The following RBM26 variants were observed in gnomAD, a reference collection of about 807,000 sequenced individuals.
RBM26 encodes RNA-binding protein 26.
RBM26 carries 30 observed loss-of-function variants against 123.6 expected under a neutral mutation model. That is an observed-to-expected ratio of 0.24 (90% CI 0.18 to 0.33). The LOEUF is 0.33. Among genes scored for constraint, RBM26 ranks in the 10% least tolerant of loss-of-function variants. The probability of loss-of-function intolerance (pLI) is 1.00; values close to 1 mark genes in which losing one functional copy is unlikely to be tolerated. For missense variants in RBM26, 947 were observed against 1,203.6 expected (o/e 0.79, Z 3.15); for synonymous variants, 400 against 404.4 (o/e 0.99, Z 0.13).
At chr13:79,326,103 C>G (rs888842615) in intron 20 of RBM26, among the ~76,000 whole-genome samples, 1 of 152,152 alleles carries the variant, frequency 6.6e-6, no homozygotes, top group African/African-American at 2.4e-5. Flanking sequence ...GATGTGTACA[C>G]AACAATGAAA....
At chr13:79,338,294 A>G (rs1752645) in intron 18 of RBM26, among the ~76,000 whole-genome samples, 150,357 of 152,360 alleles carry the variant, frequency 0.99, 74,232 homozygotes, top group East Asian at 1. Context: ...TAAGATTCGA[A>G]AAGAACTTCA....
exon 5 of RBM26, chr13:79,313,083 G>GAT (rs1055140351): frequency 6.6e-6 from 1 of 151,680 alleles, no homozygotes; most frequent in Non-Finnish European, 1.5e-5. Context: ...GAAAAATATA[G>GAT]ATATATAAAA....
chr13:79,370,682 T>G (rs1036782021), intron 5 of RBM26, among the ~76,000 whole-genome samples: 4 of 152,254 alleles, frequency 2.6e-5, no homozygotes, highest in Admixed American at 2.6e-4. Context: ...CCAAAGAGTT[T>G]CAGCTTATCT....
In RBM26 at chr13:79,405,096, C is replaced by T. The variant is rs143298310; in HGVS notation, c.71+608G>A. Among the ~76,000 whole-genome samples, 12 of 152,284 alleles carry T rather than the reference C, an allele frequency of 7.9e-5. No individual in the cohort carries two copies. In the East Asian group the frequency reaches 2.3e-3, roughly 29 times the overall value. ...CAACACAAAATCTATCTATAGCATC[C>T]CACTTAAAACTGCTAAATATTCCAT... is the stretch of plus-strand genomic sequence containing the variant. On this transcript the variant is annotated intron_variant, in intron 1 of 21. Coordinates refer to ENST00000438737, the MANE Select transcript of RBM26 (RefSeq NM_001366735.2).
chr13:79,349,716 T>C (rs2072928148), intron 14 of RBM26, among the ~76,000 whole-genome samples: 1 of 151,948 alleles, frequency 6.6e-6, no homozygotes, highest in South Asian at 2.1e-4. Context: ...TTTTTTTTTT[T>C]TGAGACAGAG....
intron 1 of RBM26, among the ~76,000 whole-genome samples, chr13:79,403,769 T>G (rs1266717145): frequency 6.6e-6 from 1 of 152,144 alleles, no homozygotes; most frequent in Non-Finnish European, 1.5e-5. Context: ...ATGCCCACTC[T>G]CCAATACACC....
At chr13:79,358,479 C>T (rs773000754) in intron 10 of RBM26, 46 bp from the exon 11 acceptor site, 3 of 1,483,866 alleles carry the variant, frequency 2.0e-6, no homozygotes, top group South Asian at 2.5e-5. Context: ...AAATCCTGAC[C>T]CTAACCAAAT....
At chr13:79,317,675 T>C (rs1362893283), downstream of RBM26, among the ~76,000 whole-genome samples, 1 of 151,698 alleles carries the variant, frequency 6.6e-6, no homozygotes, top group Non-Finnish European at 1.5e-5. Flanking sequence ...GTCCAAAATA[T>C]TAATGCCTTA....
In RBM26 at chr13:79,395,431, C is replaced by T. The variant is rs111368775; in HGVS notation, c.71+10273G>A. On this transcript the variant is annotated intron_variant, in intron 1 of 21. Transcript: ENST00000438737. Reference sequence around the variant, plus strand: ...ATAACTCTCCTTCGCAGTCTGGAAACGGTAGAGGAAAAACAATAGTGAACT... The same window carrying T: ...ATAACTCTCCTTCGCAGTCTGGAAATGGTAGAGGAAAAACAATAGTGAACT... Among the ~76,000 whole-genome samples the T allele has an allele frequency of 5.3e-5, 8 of 152,040 alleles. No homozygotes were observed. In the South Asian group the frequency reaches 1.2e-3, roughly 24 times the overall value.
At chr13:79,373,413 TATATAAATAAAATATAA>T (rs2076249047) in intron 3 of RBM26, among the ~76,000 whole-genome samples, 1 of 19,194 alleles carries the variant, frequency 5.2e-5, no homozygotes, top group Non-Finnish European at 8.3e-5. Context: ...TTATATACTA[TATATAAATAAAATATAA>T]ATATATATTA....
chr13:79,397,555 G>A (rs548523766), intron 1 of RBM26, among the ~76,000 whole-genome samples: 1 of 151,634 alleles, frequency 6.6e-6, no homozygotes, highest in African/African-American at 2.4e-5. Context: ...GGTGGCACGT[G>A]CCTGTAGTCT....
chr13:79,385,256 C>T (rs1392053160), intron 1 of RBM26, among the ~76,000 whole-genome samples: 1 of 152,114 alleles, frequency 6.6e-6, no homozygotes, highest in Non-Finnish European at 1.5e-5. Flanking sequence ...ACATGCTTCA[C>T]TTAATTCAAA....
chr13:79,371,936 TAAAAA>T lies in RBM26; in HGVS notation c.328-11_328-7del, dbSNP rs111251938. The T allele has an allele frequency of 7.7e-6, 10 of 1,300,502 alleles. No homozygotes were observed. Among genetic ancestry groups the T allele is most frequent in the Non-Finnish European group, 6.4e-6 (6 of 942,160 alleles). 80.6% of individuals were successfully genotyped at this position (1,300,502 alleles called of 1,614,324 possible). On this transcript the variant is annotated splice_polypyrimidine_tract_variant and splice_region_variant and intron_variant, in intron 3 of 21. Transcript: ENST00000438737. ...CGCTCTTCCTCCTTAGTGATCTGATTAAAAAAAAAAAAAAAAGTGTACAAGTTTAG... is the reference window on the plus strand; with the variant it reads ...CGCTCTTCCTCCTTAGTGATCTGATTAAAAAAAAAAAGTGTACAAGTTTAG...
chr13:79,316,989 TTAAA>T (rs2067207265), downstream of RBM26, among the ~76,000 whole-genome samples: 1 of 151,076 alleles, frequency 6.6e-6, no homozygotes, highest in Non-Finnish European at 1.5e-5. Flanking sequence ...TGTTTTTTTT[TTAAA>T]AAAGAGTAAA....
rs531279410 is a variant in RBM26, at chr13:79,369,519, T to G, written c.635-529A>C. Among the ~76,000 whole-genome samples the G allele has an allele frequency of 2.5e-4, 38 of 152,276 alleles. No individual in the cohort carries two copies. In the South Asian group the frequency reaches 7.3e-3, roughly 29 times the overall value. On this transcript the variant is annotated intron_variant, in intron 5 of 21. Transcript: ENST00000438737. The stretch of plus-strand genomic sequence containing the variant: ...AGAGATTAGTTAAGTGAAGTAACAT[T>G]CCATGAAGCCTTGTATACCTAGATC...
In RBM26 at chr13:79,355,202, C is replaced by T. The variant is rs2073831290; in HGVS notation, c.1854+18G>A. 6.2e-7 allele frequency: 1 copy of T among 1,610,698 alleles called. No individual in the cohort carries two copies. Among genetic ancestry groups the T allele is most frequent in the South Asian group, 1.1e-5 (1 of 90,908 alleles). On this transcript the variant is annotated intron_variant, in intron 12 of 21. Coordinates refer to ENST00000438737, the MANE Select transcript of RBM26 (RefSeq NM_001366735.2). ...TTTCTAAGAAATGCGCGTACTTTTA[C>T]ACAAATTCCTCTCTTACCTTTGGAG...
chr13:79,364,158 T>C (rs566067177), intron 9 of RBM26, among the ~76,000 whole-genome samples: 2 of 152,148 alleles, frequency 1.3e-5, no homozygotes, highest in African/African-American at 2.4e-5. Flanking sequence ...ATAATAGCTA[T>C]TGAAATTCCT....
chr13:79,357,255 A>G (rs1002239532), intron 11 of RBM26, among the ~76,000 whole-genome samples: 25 of 152,260 alleles, frequency 1.6e-4, no homozygotes, highest in African/African-American at 5.8e-4. Context: ...TTACTTTTAT[A>G]GTACTTTTCA....
chr13:79,349,760 C>T (rs1409316642), intron 14 of RBM26, among the ~76,000 whole-genome samples: 1 of 150,342 alleles, frequency 6.7e-6, no homozygotes, highest in African/African-American at 2.4e-5. Context: ...GGTGCAGTGG[C>T]GCCATCTCGG....
Sources: gnomAD v4.1 joint callset for allele counts (sites outside exome capture counted in the v4.1 genomes callset) on GRCh38, gnomAD v4.1.1 for gene constraint, MANE v1.5 for transcripts, NCBI Gene and HGNC (gene_info 2026-07-23, HGNC 2026-07-21) for gene names.